The following PCDHA4 variants were observed in gnomAD, a reference collection of about 807,000 sequenced individuals.
PCDHA4 encodes protocadherin alpha 4.
Under a neutral mutation model 61.4 loss-of-function variants are expected in PCDHA4, and 49 were observed. The observed-to-expected ratio is 0.80, with a 90% CI of 0.63 to 1.01. The LOEUF (loss-of-function observed/expected upper bound fraction) is 1.01. Ranked by LOEUF, PCDHA4 falls within the 50% of genes least tolerant of loss-of-function variation. PCDHA4 has a pLI of 0.00. For synonymous variants in PCDHA4, 590 were observed against 550.3 expected, an observed-to-expected ratio of 1.07 and a Z score of -1.01; for missense variants, 1,254 against 1,235.8, an observed-to-expected ratio of 1.01 and a Z score of -0.22.
At chr5:140,887,776 G>T (rs2061574225) in intron 1 of PCDHA4, among the ~76,000 whole-genome samples, 1 of 152,036 alleles carries the variant, frequency 6.6e-6, no homozygotes, top group Non-Finnish European at 1.5e-5. Context: ...CAATGACACA[G>T]GTCATTGAAG....
At chr5:140,863,211 C>G in intron 1 of PCDHA4, 5 of 1,030,298 alleles carry the variant, frequency 4.9e-6, no homozygotes, top group Non-Finnish European at 7.2e-6. Context: ...CGGAGAGCAG[C>G]CAAGCGAGGA....
chr5:140,868,172 ATC>A (rs1554161787), intron 1 of PCDHA4: 1 of 152,152 alleles, frequency 6.6e-6, no homozygotes. Context: ...AAATTTTGAT[ATC>A]TCATATTATG....
chr5:140,876,618 T>C (rs781928314), intron 1 of PCDHA4: 7 of 1,614,074 alleles, frequency 4.3e-6, no homozygotes, highest in African/African-American at 1.3e-5. Flanking sequence ...CTGGAGCCAA[T>C]GGACAGGTCA....
chr5:140,856,225 G>C (rs1554148421), intron 1 of PCDHA4: 1 of 1,598,066 alleles, frequency 6.3e-7, no homozygotes, highest in Admixed American at 1.7e-5. Context: ...CGGAGCTGGT[G>C]CAGCGCCTGT....
intron 1 of PCDHA4, among the ~76,000 whole-genome samples, chr5:140,911,002 C>A (rs1216727256): frequency 6.6e-6 from 1 of 152,114 alleles, no homozygotes; most frequent in Non-Finnish European, 1.5e-5. Context: ...CCCTAGGGCC[C>A]TCCTGGGACT....
chr5:141,002,689 T>C (rs2098092113), intron 3 of PCDHA4, among the ~76,000 whole-genome samples: 1 of 152,186 alleles, frequency 6.6e-6, no homozygotes, highest in African/African-American at 2.4e-5. Context: ...GACGTGCAGA[T>C]TTGTTTAACT....
chr5:140,897,636 C>A (rs2066236074), intron 1 of PCDHA4, among the ~76,000 whole-genome samples: 1 of 152,038 alleles, frequency 6.6e-6, no homozygotes, highest in African/African-American at 2.4e-5. Context: ...GTGTATAGTG[C>A]CACAATAAAC....
rs1252863979 is a variant in PCDHA4, at chr5:140,839,702, T to C, written c.2385+30130T>C. Among the ~76,000 whole-genome samples the C allele has an allele frequency of 2.6e-5, 4 of 152,086 alleles. 1 individual carries two copies. Among genetic ancestry groups the C allele is most frequent in the Non-Finnish European group, 5.9e-5 (4 of 68,020 alleles). On this transcript the variant is annotated intron_variant, in intron 1 of 3. Transcript: ENST00000530339. ...CAGAGATTTTTTTGGGTAAATAATG[T>C]GATGACAAATTTAAATCATTTCACA...
chr5:140,811,794 T>C (rs1454286156), intron 1 of PCDHA4: 1 of 152,230 alleles, frequency 6.6e-6, no homozygotes, highest in African/African-American at 2.4e-5. Flanking sequence ...TGCATAAATG[T>C]CTTCTTTTGA....
intron 1 of PCDHA4, chr5:140,928,383 G>T (rs1474490422): frequency 2.5e-6 from 4 of 1,613,920 alleles, no homozygotes; most frequent in South Asian, 1.1e-5. Context: ...CCTCTAGCTT[G>T]CTGGCAGTGG....
intron 1 of PCDHA4, among the ~76,000 whole-genome samples, chr5:140,939,338 G>A (rs2092369072): frequency 6.6e-6 from 1 of 152,116 alleles, no homozygotes; most frequent in South Asian, 2.1e-4. Context: ...TTAGGGGTTA[G>A]CATTTCAACT....
intron 1 of PCDHA4, among the ~76,000 whole-genome samples, chr5:140,873,668 T>G (rs1315193684): frequency 6.6e-6 from 1 of 152,206 alleles, no homozygotes; most frequent in Non-Finnish European, 1.5e-5. Flanking sequence ...TATTATTATT[T>G]GTTTCTTTTT....
At chr5:140,862,293 C>A in intron 1 of PCDHA4, 1 of 268,596 alleles carries the variant, frequency 3.7e-6, no homozygotes, top group Non-Finnish European at 7.3e-6. Flanking sequence ...CAGGAGGACG[C>A]TCCACTGGGT....
chr5:140,816,829 G>A (rs1766003060), intron 1 of PCDHA4: 1 of 151,604 alleles, frequency 6.6e-6, no homozygotes, highest in African/African-American at 2.4e-5. Context: ...TTTTCCCTCT[G>A]TGGTGTCTGT....
At chr5:140,909,186 A>G (rs552786721) in intron 1 of PCDHA4, among the ~76,000 whole-genome samples, 1 of 152,336 alleles carries the variant, frequency 6.6e-6, no homozygotes, top group Admixed American at 6.5e-5. Context: ...TCCAAACAAG[A>G]TTATGACACA....
rs2150260051 is a variant in PCDHA4, at chr5:140,836,413, A to C, written c.2385+26841A>C. On this transcript the variant is annotated intron_variant, in intron 1 of 3. Coordinates refer to ENST00000530339, the MANE Select transcript of PCDHA4 (RefSeq NM_018907.4). ...CTGGTGGAAAGCGGCCAGGCACCAA[A>C]GGCGTCGTCGCGGGCATCGTTGGGC... The C allele has an allele frequency of 1.9e-6, 3 of 1,613,666 alleles. No individual in the cohort carries two copies. In the Admixed American group the frequency reaches 5.0e-5, roughly 27 times the overall value.
intron 1 of PCDHA4, chr5:140,967,751 T>G: frequency 6.2e-7 from 1 of 1,614,138 alleles, no homozygotes; most frequent in African/African-American, 1.3e-5. Context: ...TGAGGAAGCC[T>G]CCTCCTACCA....
In PCDHA4 at chr5:141,010,583, G is replaced by A. The variant is rs1186884021; in HGVS notation, c.*646G>A. The A allele has an allele frequency of 4.1e-5, 10 of 242,992 alleles. No individual in the cohort carries two copies. The highest frequency in any genetic ancestry group is 3.6e-4 in the Admixed American group (7 of 19,606). 15.1% of individuals were successfully genotyped at this position (242,992 alleles called of 1,614,324 possible). A position where few individuals can be genotyped will look rare whatever the true frequency, so the allele number is the denominator to read the frequency against. The stretch of plus-strand genomic sequence containing the variant: ...TGACAAGGCTTTAGGAGACCCTAAA[G>A]TCTGTTGGCTGTGACGTCATTATAC... On this transcript the variant is annotated 3_prime_UTR_variant, in exon 4 of 4. Coordinates refer to ENST00000530339, the MANE Select transcript of PCDHA4 (RefSeq NM_018907.4).
chr5:140,994,141 C>T (rs782520855), intron 3 of PCDHA4, among the ~76,000 whole-genome samples: 1 of 152,256 alleles, frequency 6.6e-6, no homozygotes, highest in African/African-American at 2.4e-5. Context: ...TAATGCCCTA[C>T]GTAGGTAGGG....
Sources: gnomAD v4.1 joint callset for allele counts (sites outside exome capture counted in the v4.1 genomes callset) on GRCh38, gnomAD v4.1.1 for gene constraint, MANE v1.5 for transcripts, NCBI Gene and HGNC (gene_info 2026-07-23, HGNC 2026-07-21) for gene names.